The following COL23A1 variants were observed in gnomAD, a reference collection of about 807,000 sequenced individuals.
COL23A1 encodes the protein collagen alpha-1(XXIII) chain.
COL23A1 carries 97 observed loss-of-function variants against 99.3 expected under a neutral mutation model. The observed-to-expected ratio is 0.98, with a 90% CI of 0.83 to 1.16. The LOEUF is 1.16. Among genes scored for constraint, COL23A1 ranks in the 50% most tolerant of loss-of-function variants. COL23A1 has a pLI of 0.00. For synonymous variants in COL23A1, 320 were observed against 308.2 expected, an observed-to-expected ratio of 1.04 and a Z score of -0.40; for missense variants, 762 against 757.4, an observed-to-expected ratio of 1.01 and a Z score of -0.07.
chr5:178,248,318 T>A, intron 19 of COL23A1, 64 bp from the exon 20 acceptor site: 1 of 1,283,318 alleles, frequency 7.8e-7, no homozygotes, highest in South Asian at 1.3e-5. Context: ...CCCACGGTGC[T>A]TAGTGACCTC....
At chr5:178,548,421 C>A (rs936917775) in intron 2 of COL23A1, among the ~76,000 whole-genome samples, 1 of 152,134 alleles carries the variant, frequency 6.6e-6, no homozygotes, top group Non-Finnish European at 1.5e-5. Context: ...GAGTTCCCAA[C>A]TCAAAAATCT....
chr5:178,292,775 G>A (rs1484904699), intron 3 of COL23A1, among the ~76,000 whole-genome samples: 2 of 152,216 alleles, frequency 1.3e-5, no homozygotes, highest in Non-Finnish European at 2.9e-5. Flanking sequence ...GGATGGGGCT[G>A]CCGTCAACAG....
chr5:178,457,634 A>G (rs1267886556), intron 2 of COL23A1, among the ~76,000 whole-genome samples: 1 of 152,258 alleles, frequency 6.6e-6, no homozygotes, highest in Non-Finnish European at 1.5e-5. Context: ...TTAATAACAA[A>G]AAGAAGTGCC....
intron 2 of COL23A1, among the ~76,000 whole-genome samples, chr5:178,323,069 G>A (rs1055738058): frequency 1.3e-5 from 2 of 152,106 alleles, no homozygotes; most frequent in South Asian, 2.1e-4. Context: ...GGCATGTGGC[G>A]CTGTAGGAGT....
chr5:178,451,128 A>T (rs1359416198), intron 2 of COL23A1, among the ~76,000 whole-genome samples: 1 of 152,244 alleles, frequency 6.6e-6, no homozygotes, highest in South Asian at 2.1e-4. Flanking sequence ...AAAAGTGGAA[A>T]AGAGGGAAAA....
At chr5:178,335,156 G>C (rs1356340521) in intron 2 of COL23A1, among the ~76,000 whole-genome samples, 1 of 152,218 alleles carries the variant, frequency 6.6e-6, no homozygotes, top group East Asian at 1.9e-4. Context: ...CAACCAAGGA[G>C]GCGTGTTCAG....
At chr5:178,383,728 C>T (rs564897342) in intron 2 of COL23A1, among the ~76,000 whole-genome samples, 33 of 152,244 alleles carry the variant, frequency 2.2e-4, no homozygotes, top group Admixed American at 9.2e-4. Flanking sequence ...CAGTGTTAGC[C>T]GGGAGCCCCC....
chr5:178,238,564 T>G lies in COL23A1; in HGVS notation c.*134A>C. 1 of 1,209,784 alleles carries G rather than the reference T, an allele frequency of 8.3e-7. No homozygotes were observed. The highest frequency in any genetic ancestry group is 1.2e-6 in the Non-Finnish European group (1 of 835,252). The allele number at this position is 1,209,784 out of a possible 1,614,324, so 74.9% of individuals were successfully genotyped here. A position where few individuals can be genotyped will look rare whatever the true frequency, so the allele number is the denominator to read the frequency against. ...ACATGCCGGTGGCTTTGGGGCTGGGTGGGCATACTCTTGAATGTTAAAAGG... is the reference window on the plus strand; with the variant it reads ...ACATGCCGGTGGCTTTGGGGCTGGGGGGGCATACTCTTGAATGTTAAAAGG... On this transcript the variant is annotated 3_prime_UTR_variant, in exon 29 of 29. Coordinates refer to ENST00000390654, the MANE Select transcript of COL23A1 (RefSeq NM_173465.4).
At chr5:178,476,881 A>G (rs780668586) in intron 2 of COL23A1, among the ~76,000 whole-genome samples, 6 of 152,262 alleles carry the variant, frequency 3.9e-5, no homozygotes, top group Admixed American at 6.5e-5. Context: ...TAAGACTCAC[A>G]TGACTTAAAC....
At chr5:178,294,835 G>A (rs910105547) in intron 3 of COL23A1, among the ~76,000 whole-genome samples, 6 of 152,106 alleles carry the variant, frequency 3.9e-5, no homozygotes, top group East Asian at 1.9e-4. Flanking sequence ...AAAAAGTCTC[G>A]GAAGCAAAGT....
intron 2 of COL23A1, among the ~76,000 whole-genome samples, chr5:178,505,694 T>G (rs921873395): frequency 1.3e-5 from 2 of 152,182 alleles, no homozygotes; most frequent in Admixed American, 6.5e-5. Context: ...CTTCAGCATC[T>G]TTTTGAAGGG....
chr5:178,566,057 G>A lies in COL23A1; in HGVS notation c.295-5309C>T, dbSNP rs541765612. The stretch of plus-strand genomic sequence containing the variant: ...GCAGGAGAATCACTTGAACCCGGAA[G>A]GCAGAGGTTGCAGTGAGTGAGAGCA... On this transcript the variant is annotated intron_variant, in intron 1 of 28. Transcript: ENST00000390654. Among the ~76,000 whole-genome samples the A allele has an allele frequency of 5.3e-5, 8 of 152,212 alleles. No homozygotes were observed. The South Asian group carries it at 1.7e-3, about 32-fold the overall frequency.
chr5:178,273,815 G>A (rs1476221815), intron 5 of COL23A1, among the ~76,000 whole-genome samples: 1 of 152,226 alleles, frequency 6.6e-6, no homozygotes, highest in African/African-American at 2.4e-5. Context: ...AGGGGACTCC[G>A]AGGTGGGCCG....
intron 2 of COL23A1, among the ~76,000 whole-genome samples, chr5:178,449,546 AC>A (rs1424826571): frequency 7.5e-6 from 1 of 134,030 alleles, no homozygotes; most frequent in Non-Finnish European, 1.5e-5. Flanking sequence ...CATTCCCCCC[AC>A]CCCCCTAAAT....
At chr5:178,563,966 A>G (rs1299157689) in intron 1 of COL23A1, among the ~76,000 whole-genome samples, 1 of 152,248 alleles carries the variant, frequency 6.6e-6, no homozygotes, top group Non-Finnish European at 1.5e-5. Context: ...TATCAGTGCT[A>G]GACAGGACAG....
chr5:178,540,478 T>TA (rs1331943392), intron 2 of COL23A1, among the ~76,000 whole-genome samples: 1 of 152,206 alleles, frequency 6.6e-6, no homozygotes, highest in East Asian at 1.9e-4. Flanking sequence ...GTAAGACCTC[T>TA]ACTCTCAAAA....
At chr5:178,377,986 G>A (rs894998303) in intron 2 of COL23A1, 2 of 152,284 alleles carry the variant, frequency 1.3e-5, no homozygotes, top group Non-Finnish European at 2.9e-5. Flanking sequence ...AGGAGGATCG[G>A]TGAGCCCACG....
At chr5:178,445,438 T>C (rs1317644719) in intron 2 of COL23A1, among the ~76,000 whole-genome samples, 1 of 152,224 alleles carries the variant, frequency 6.6e-6, no homozygotes, top group African/African-American at 2.4e-5. Flanking sequence ...TGAAATTTTC[T>C]TGGCCATTTG....
rs116635679 is a variant in COL23A1, at chr5:178,323,273, C to T, written c.362-16354G>A. Among the ~76,000 whole-genome samples, 628 of 152,246 alleles carry T rather than the reference C, an allele frequency of 4.1e-3. 7 individuals carry two copies. The highest frequency in any genetic ancestry group is 0.015 in the African/African-American group (607 of 41,552). ...AAAGGGTGGATGCACAGGGAATGTCCGTGGTCCTGAGCTCTTGCCCTTTCC... is the reference window on the plus strand; with the variant it reads ...AAAGGGTGGATGCACAGGGAATGTCTGTGGTCCTGAGCTCTTGCCCTTTCC... On this transcript the variant is annotated intron_variant, in intron 2 of 28. Coordinates refer to ENST00000390654, the MANE Select transcript of COL23A1 (RefSeq NM_173465.4).
Sources: allele counts gnomAD v4.1 joint callset (sites outside exome capture counted in the v4.1 genomes callset), GRCh38; gene constraint gnomAD v4.1.1; transcripts MANE v1.5; gene names NCBI Gene and HGNC (gene_info 2026-07-23, HGNC 2026-07-21).